DNAAF5: variants seen among roughly 807,000 people sequenced by gnomAD.
DNAAF5 encodes the protein HEAT repeat containing 2.
DNAAF5 carries 64 observed loss-of-function variants against 75.8 expected under a neutral mutation model. The observed-to-expected ratio is 0.84, with a 90% confidence interval of 0.69 to 1.04. DNAAF5 has a LOEUF of 1.04. Ranked by LOEUF, DNAAF5 falls within the 50% of genes least tolerant of loss-of-function variation. The pLI is 0.00. For synonymous variants in DNAAF5, 657 were observed against 557.2 expected (o/e 1.18, Z -2.52); for missense variants, 1,269 against 1,178.5 (o/e 1.08, Z -1.12).
intron 4 of DNAAF5, among the ~76,000 whole-genome samples, chr7:745,316 C>T (rs1364910172): frequency 6.6e-6 from 1 of 152,210 alleles, no homozygotes; most frequent in Non-Finnish European, 1.5e-5. Context: ...CCAGTCCTTC[C>T]CGCTGTGCAC....
At chr7:748,424 C>T (rs1272173084) in intron 4 of DNAAF5, among the ~76,000 whole-genome samples, 1 of 152,156 alleles carries the variant, frequency 6.6e-6, no homozygotes, top group African/African-American at 2.4e-5. Flanking sequence ...ACCCGTACGT[C>T]GTCTTTGGTG....
At chr7:743,512 T>C (rs1781986738) in intron 4 of DNAAF5, among the ~76,000 whole-genome samples, 1 of 152,018 alleles carries the variant, frequency 6.6e-6, no homozygotes, top group Non-Finnish European at 1.5e-5. Context: ...GTCGGCATTC[T>C]CCACCTTGCA....
chr7:784,304 G>A (rs931319205), intron 12 of DNAAF5, among the ~76,000 whole-genome samples: 1 of 152,164 alleles, frequency 6.6e-6, no homozygotes, highest in African/African-American at 2.4e-5. Flanking sequence ...CCTGGCCTCA[G>A]CTCCACACAC....
chr7:745,681 A>G (rs4725122), intron 4 of DNAAF5, among the ~76,000 whole-genome samples: 122,086 of 152,112 alleles, frequency 0.8, 49,226 homozygotes, highest in South Asian at 0.9. Flanking sequence ...GTGTACACAC[A>G]TATACACATC....
chr7:749,065 A>G (rs1782209470), intron 4 of DNAAF5, among the ~76,000 whole-genome samples: 1 of 152,118 alleles, frequency 6.6e-6, no homozygotes, highest in Non-Finnish European at 1.5e-5. Flanking sequence ...TTGCAGACAC[A>G]GCGTAAGTTT....
At chr7:744,294 A>G (rs1782013796) in intron 4 of DNAAF5, among the ~76,000 whole-genome samples, 2 of 152,204 alleles carry the variant, frequency 1.3e-5, no homozygotes, top group African/African-American at 4.8e-5. Flanking sequence ...GCTGCATAGT[A>G]TTCCATGGTG....
chr7:767,467 A>C (rs1171248345), intron 8 of DNAAF5, among the ~76,000 whole-genome samples: 1 of 152,224 alleles, frequency 6.6e-6, no homozygotes, highest in African/African-American at 2.4e-5. Flanking sequence ...GCACCCAAAA[A>C]TATGCATCGG....
intron 6 of DNAAF5, among the ~76,000 whole-genome samples, chr7:757,300 T>A (rs1476229709): frequency 1.7e-5 from 1 of 58,098 alleles, no homozygotes; most frequent in East Asian, 3.1e-4. Context: ...TTGCTGCCCC[T>A]TTCTTGGCCA....
intron 8 of DNAAF5, among the ~76,000 whole-genome samples, chr7:768,161 G>T (rs1350044402): frequency 7.6e-6 from 1 of 131,082 alleles, no homozygotes; most frequent in Non-Finnish European, 1.6e-5. Context: ...GGCTGGGAGC[G>T]CAGACACGTG....
chr7:761,533 G>T (rs1035841369), intron 6 of DNAAF5, among the ~76,000 whole-genome samples: 52 of 152,392 alleles, frequency 3.4e-4, no homozygotes, highest in African/African-American at 1.2e-3. Context: ...GCAGGCGAGA[G>T]AGTGTGCAGG....
intron 12 of DNAAF5, among the ~76,000 whole-genome samples, chr7:782,269 C>G (rs1367488393): frequency 1.3e-5 from 2 of 150,608 alleles, no homozygotes; most frequent in East Asian, 3.9e-4. Context: ...GTGGCCACCT[C>G]CCGACACGCG....
intron 4 of DNAAF5, among the ~76,000 whole-genome samples, chr7:747,076 T>C (rs1249636675): frequency 3.3e-5 from 5 of 152,258 alleles, no homozygotes; most frequent in Non-Finnish European, 7.3e-5. Context: ...CCATCACAGG[T>C]AAAGCTGATG....
chr7:757,432 G>T (rs750612370), intron 6 of DNAAF5, among the ~76,000 whole-genome samples: 1 of 152,194 alleles, frequency 6.6e-6, no homozygotes, highest in South Asian at 2.1e-4. Context: ...GTGGTCGCAC[G>T]TCCACCATCC....
chr7:759,842 C>T (rs1782590147), intron 6 of DNAAF5, among the ~76,000 whole-genome samples: 1 of 152,172 alleles, frequency 6.6e-6, no homozygotes, highest in South Asian at 2.1e-4. Flanking sequence ...CTAAACGCAC[C>T]TGCCTTTTGA....
chr7:729,634 T>G (rs1009267737), intron 1 of DNAAF5, 29 bp from the exon 2 acceptor site: 12 of 1,603,688 alleles, frequency 7.5e-6, no homozygotes, highest in Non-Finnish European at 1.0e-5. Flanking sequence ...GGAGCAGCTC[T>G]GGTAACTGGG....
At chr7:735,488 C>T (rs1327757256) in intron 2 of DNAAF5, among the ~76,000 whole-genome samples, 3 of 149,730 alleles carry the variant, frequency 2.0e-5, no homozygotes. Context: ...CTCATGGTGT[C>T]GTTGCTCATA....
intron 4 of DNAAF5, among the ~76,000 whole-genome samples, chr7:748,383 C>T (rs1782184931): frequency 6.6e-6 from 1 of 152,196 alleles, no homozygotes; most frequent in Non-Finnish European, 1.5e-5. Flanking sequence ...GACATTGGGG[C>T]CTTTTCCTGT....
intron 4 of DNAAF5, among the ~76,000 whole-genome samples, chr7:753,958 GTC>G (rs1234201703): frequency 8.2e-5 from 12 of 146,176 alleles, no homozygotes; most frequent in African/African-American, 2.3e-4. Context: ...TCGCAGGCGT[GTC>G]TCTCTCATCA....
intron 4 of DNAAF5, among the ~76,000 whole-genome samples, chr7:745,086 T>C (rs1029904611): frequency 6.6e-6 from 1 of 152,208 alleles, no homozygotes; most frequent in Non-Finnish European, 1.5e-5. Context: ...ACCTTTAAGC[T>C]AAGCTGTGGG....
Sources: gnomAD v4.1 joint callset for allele counts (sites outside exome capture counted in the v4.1 genomes callset) on GRCh38, gnomAD v4.1.1 for gene constraint, MANE v1.5 for transcripts, NCBI Gene and HGNC (gene_info 2026-07-23, HGNC 2026-07-21) for gene names.